Variants in TBX4 observed in about 807,000 individuals in gnomAD.
TBX4 encodes T-box transcription factor 4.
A neutral mutation model predicts 54.6 loss-of-function variants in TBX4; 13 were observed. That is an observed-to-expected ratio of 0.24 (90% confidence interval 0.15 to 0.38). TBX4 has a LOEUF of 0.38. TBX4 is among the 10% of genes least tolerant of loss of function. TBX4 has a pLI of 1.00. For missense variants in TBX4, 631 were observed against 728.5 expected (o/e 0.87, Z 1.54); for synonymous variants, 314 against 306.7 (o/e 1.02, Z -0.25).
intron 3 of TBX4, chr17:61,463,204 A>C (rs1433058694): frequency 7.9e-5 from 12 of 152,454 alleles, no homozygotes; most frequent in Non-Finnish European, 1.8e-4. Flanking sequence ...CAAGACCTAG[A>C]CATCTGTTGC....
chr17:61,471,237 C>T (rs935612656), intron 5 of TBX4, among the ~76,000 whole-genome samples: 2 of 152,240 alleles, frequency 1.3e-5, no homozygotes, highest in Admixed American at 6.5e-5. Flanking sequence ...ACCTAGGTAG[C>T]TACTCCTGAG....
Position 61,478,308 on chromosome 17 carries a change from A to G in TBX4, c.550-319A>G. On this transcript the variant is annotated intron_variant, in intron 5 of 8. Transcript: ENST00000644296. The surrounding 1 kb of genome is among the most constrained non-coding windows in gnomAD (Gnocchi z 7.4). ...CAATTCCACCTGCTACACTGTGCTGAGTTCACAGTGGGCTTTGACAGTGTT... is the reference window on the plus strand; with the variant it reads ...CAATTCCACCTGCTACACTGTGCTGGGTTCACAGTGGGCTTTGACAGTGTT... 1 of 418,222 alleles carries G rather than the reference A, an allele frequency of 2.4e-6. No individual in the cohort carries two copies. The highest frequency in any genetic ancestry group is 5.3e-5 in the East Asian group (1 of 19,016). The allele number at this position is 418,222 out of a possible 1,614,324, so 25.9% of individuals were successfully genotyped here.
chr17:61,465,807 C>G lies in TBX4; in HGVS notation c.282-12C>G. The G allele has an allele frequency of 6.2e-7, 1 of 1,613,818 alleles. No individual in the cohort carries two copies. Among genetic ancestry groups the G allele is most frequent in the Non-Finnish European group, 8.5e-7 (1 of 1,179,806 alleles). On this transcript the variant is annotated splice_polypyrimidine_tract_variant and intron_variant, in intron 3 of 8. Coordinates refer to ENST00000644296, the MANE Select transcript of TBX4 (RefSeq NM_001321120.2). This position sits in a 1 kb window ranked among gnomAD's most constrained non-coding sequence, Gnocchi z 4.9. Reference sequence around the variant, plus strand: ...TGTCCACACGCTCCGCCTCACCCCTCGGCTCCCCCAGGAGGATGTTCCCCA... The same window carrying G: ...TGTCCACACGCTCCGCCTCACCCCTGGGCTCCCCCAGGAGGATGTTCCCCA...
Position 61,472,156 on chromosome 17 carries a change from A to G in TBX4, c.549+4499A>G, listed in dbSNP as rs2060584727. ...TGCTCTTCTGATTAAGCTTGTACAT[A>G]TGCCATTTTATGCTGTGCCAAGTAT... On this transcript the variant is annotated intron_variant, in intron 5 of 8. Transcript: ENST00000644296. This position sits in a 1 kb window ranked among gnomAD's most constrained non-coding sequence, Gnocchi z 4.5. Among the ~76,000 whole-genome samples the G allele has an allele frequency of 6.6e-6, 1 of 152,212 alleles. No homozygotes were observed. Among genetic ancestry groups the G allele is most frequent in the African/African-American group, 2.4e-5 (1 of 41,456 alleles).
Position 61,475,036 on chromosome 17 carries a change from G to A in TBX4, c.550-3591G>A, listed in dbSNP as rs1170336916. On this transcript the variant is annotated intron_variant, in intron 5 of 8. Coordinates refer to ENST00000644296, the MANE Select transcript of TBX4 (RefSeq NM_001321120.2). This position sits in a 1 kb window ranked among gnomAD's most constrained non-coding sequence, Gnocchi z 5.0. ...AGCTTGCTCAGGACTTGACGCTGGT[G>A]AACAGAGATCATGACGGCGTCTGCA... is the stretch of plus-strand genomic sequence containing the variant. Among the ~76,000 whole-genome samples the A allele has an allele frequency of 6.6e-6, 1 of 152,230 alleles. No individual in the cohort carries two copies. The highest frequency in any genetic ancestry group is 1.5e-5 in the Non-Finnish European group (1 of 68,048).
Position 61,462,533 on chromosome 17 carries a change from C to T in TBX4, c.282-3286C>T, listed in dbSNP as rs1437227521. ...GTGGGAGCAGGGAGAGGGTAGGGGG[C>T]ATAGGGAGAGGGTGCAGGGAGGGGA... On this transcript the variant is annotated intron_variant, in intron 3 of 8. Transcript: ENST00000644296. The surrounding 1 kb of genome is among the most constrained non-coding windows in gnomAD (Gnocchi z 4.5). Among the ~76,000 whole-genome samples, 1 of 133,144 alleles carries T rather than the reference C, an allele frequency of 7.5e-6. No individual in the cohort carries two copies. Among genetic ancestry groups the T allele is most frequent in the Non-Finnish European group, 1.6e-5 (1 of 62,642 alleles). 87.3% of individuals were successfully genotyped at this position (133,144 alleles called of 152,430 possible). A position where few individuals can be genotyped will look rare whatever the true frequency, so the allele number is the denominator to read the frequency against.
chr17:61,458,296 CGGGGGT>C (rs1569033014), intron 3 of TBX4, among the ~76,000 whole-genome samples: 1 of 28,798 alleles, frequency 3.5e-5, no homozygotes, highest in East Asian at 8.3e-4. Flanking sequence ...AGACTCACGG[CGGGGGT>C]GGGGGTGAGT....
chr17:61,480,564 G>A lies in TBX4; in HGVS notation c.1021+245G>A, dbSNP rs769330892. ...ACCCTCACAGACAGCTTGTAGCCCC[G>A]GTGTCCCCAGACACCTTTCCAAGTG... On this transcript the variant is annotated intron_variant, in intron 8 of 8. Transcript: ENST00000644296. The surrounding 1 kb of genome is among the most constrained non-coding windows in gnomAD (Gnocchi z 6.2). 3.3e-5 allele frequency among the ~76,000 whole-genome samples: 5 copies of A among 152,154 alleles called. No homozygotes were observed. Among genetic ancestry groups the A allele is most frequent in the Non-Finnish European group, 7.4e-5 (5 of 68,026 alleles).
rs115169711 is a variant in TBX4 at position 61,482,949 on chromosome 17, C to T, written c.1074C>T (p.Ala358=). The change falls in exon 9 of 9, where the codon GCC becomes GCT. Residue 358 remains alanine, a synonymous_variant. Coordinates refer to ENST00000644296, the MANE Select transcript of TBX4 (RefSeq NM_001321120.2). Reference sequence around the variant, plus strand: ...CTTGCAAGCGATCCTATCTGGAAGCCCCCTCTTCGGTGGGGGAGGATCACT... The same window carrying T: ...CTTGCAAGCGATCCTATCTGGAAGCTCCCTCTTCGGTGGGGGAGGATCACT... ...DLPCKRSYLE[A]PSSVGEDHYF... The T allele has an allele frequency of 2.1e-4, 344 of 1,613,926 alleles. No homozygotes were observed. The African/African-American group carries it at 4.0e-3, about 19-fold the overall frequency.
rs149977669 is a variant in TBX4 at position 61,483,613 on chromosome 17, AGTGTGTGTGTGT to A, written c.*126_*137del. 644 of 782,846 alleles carry A rather than the reference AGTGTGTGTGTGT, an allele frequency of 8.2e-4. No individual in the cohort carries two copies. Among genetic ancestry groups the A allele is most frequent in the South Asian group, 3.2e-3 (185 of 57,300 alleles). The allele number at this position is 782,846 out of a possible 1,614,324, so 48.5% of individuals were successfully genotyped here. Reference sequence around the variant, plus strand: ...ACCAAGAAACACAGGAAGGTATTCCAGTGTGTGTGTGTGTGTGTGTGTGTGTGTGTGTGTGTG... The same window carrying A: ...ACCAAGAAACACAGGAAGGTATTCCAGTGTGTGTGTGTGTGTGTGTGTGTG... On this transcript the variant is annotated 3_prime_UTR_variant, in exon 9 of 9. Transcript: ENST00000644296. This position sits in a 1 kb window ranked among gnomAD's most constrained non-coding sequence, Gnocchi z 6.6.
At chr17:61,477,612 G>A (rs1383848120) in intron 5 of TBX4, among the ~76,000 whole-genome samples, 1 of 152,232 alleles carries the variant, frequency 6.6e-6, no homozygotes, top group Non-Finnish European at 1.5e-5. Flanking sequence ...GGTCTCCCCA[G>A]CACACCGTCA....
At position 61,465,468 on chromosome 17, in the gene TBX4, C is replaced by A. The variant is rs2060528809; in HGVS notation, c.282-351C>A. On this transcript the variant is annotated intron_variant, in intron 3 of 8. Transcript: ENST00000644296. The surrounding 1 kb of genome is among the most constrained non-coding windows in gnomAD (Gnocchi z 4.9). ...GCAAGGTTGGCGTCAGAATCTGCTC[C>A]CACAATCCTGACTGGGGTCTCTGTG... Among the ~76,000 whole-genome samples the A allele has an allele frequency of 6.6e-6, 1 of 152,346 alleles. No homozygotes were observed. Among genetic ancestry groups the A allele is most frequent in the Admixed American group, 6.5e-5 (1 of 15,308 alleles).
rs2060684470 is a variant in TBX4 at position 61,483,720 on chromosome 17, A to G, written c.*204A>G. ...ACATACAACTGAGGTCATGACAAGGAAAAAAAACACCACATTTATCTAAGA... is the reference window on the plus strand; with the variant it reads ...ACATACAACTGAGGTCATGACAAGGGAAAAAAACACCACATTTATCTAAGA... On this transcript the variant is annotated 3_prime_UTR_variant, in exon 9 of 9. Coordinates refer to ENST00000644296, the MANE Select transcript of TBX4 (RefSeq NM_001321120.2). This position sits in a 1 kb window ranked among gnomAD's most constrained non-coding sequence, Gnocchi z 6.6. 1 of 660,532 alleles carries G rather than the reference A, an allele frequency of 1.5e-6. No individual in the cohort carries two copies. The highest frequency in any genetic ancestry group is 2.9e-5 in the East Asian group (1 of 34,470). The allele number at this position is 660,532 out of a possible 1,614,324, so 40.9% of individuals were successfully genotyped here. A position where few individuals can be genotyped will look rare whatever the true frequency, so the allele number is the denominator to read the frequency against.
At chr17:61,467,784 A>G in intron 5 of TBX4, 127 bp downstream of exon 5, 1 of 1,204,690 alleles carries the variant, frequency 8.3e-7, no homozygotes, top group Non-Finnish European at 1.2e-6. Context: ...CTCACTGACC[A>G]GTTTAGGGAA....
chr17:61,465,999 C>T lies in TBX4; in HGVS notation c.401+61C>T, dbSNP rs1019693632. 3 of 1,608,594 alleles carry T rather than the reference C, an allele frequency of 1.9e-6. No individual in the cohort carries two copies. Among genetic ancestry groups the T allele is most frequent in the Non-Finnish European group, 2.6e-6 (3 of 1,176,434 alleles). On this transcript the variant is annotated intron_variant, in intron 4 of 8. Coordinates refer to ENST00000644296, the MANE Select transcript of TBX4 (RefSeq NM_001321120.2). The surrounding 1 kb of genome is among the most constrained non-coding windows in gnomAD (Gnocchi z 4.9). Reference sequence around the variant, plus strand: ...CAACTGCCCACTTGCCACGCCCCCACCTAGTGTTTTGTCCGGGGGATTTCT... The same window carrying T: ...CAACTGCCCACTTGCCACGCCCCCATCTAGTGTTTTGTCCGGGGGATTTCT...
rs2060490342 is a variant in TBX4, at chr17:61,460,900, G to T, written c.281+3269G>T. 6.6e-6 allele frequency among the ~76,000 whole-genome samples: 1 copy of T among 152,186 alleles called. No homozygotes were observed. Among genetic ancestry groups the T allele is most frequent in the South Asian group, 2.1e-4 (1 of 4,826 alleles). ...GACAGTGAATTTGCGTTTGAAAAATGAACTACCGATGAGAACTCCTGTTGA... is the reference window on the plus strand; with the variant it reads ...GACAGTGAATTTGCGTTTGAAAAATTAACTACCGATGAGAACTCCTGTTGA... On this transcript the variant is annotated intron_variant, in intron 3 of 8. Transcript: ENST00000644296. The surrounding 1 kb of genome is among the most constrained non-coding windows in gnomAD (Gnocchi z 4.4).
chr17:61,452,918 T>G, intron 1 of TBX4: 1 of 985,304 alleles, frequency 1.0e-6, no homozygotes, highest in Non-Finnish European at 1.2e-6. Context: ...GGCCTGGAAA[T>G]TGGTGTTTGC....
At chr17:61,477,977 A>C (rs2060634139) in intron 5 of TBX4, among the ~76,000 whole-genome samples, 1 of 151,882 alleles carries the variant, frequency 6.6e-6, no homozygotes, top group Non-Finnish European at 1.5e-5. Context: ...AAAAAGAAAG[A>C]AAGAAAGGAA....
rs1339050980 is a variant in TBX4, at chr17:61,472,673, A to AC, written c.549+5022dup. Among the ~76,000 whole-genome samples, 1 of 152,006 alleles carries AC rather than the reference A, an allele frequency of 6.6e-6. No individual in the cohort carries two copies. The highest frequency in any genetic ancestry group is 2.4e-5 in the African/African-American group (1 of 41,358). On this transcript the variant is annotated intron_variant, in intron 5 of 8. Coordinates refer to ENST00000644296, the MANE Select transcript of TBX4 (RefSeq NM_001321120.2). The surrounding 1 kb of genome is among the most constrained non-coding windows in gnomAD (Gnocchi z 4.5). ...GGATTTTGAGTTATTGAAAGCCCTA[A>AC]CCCCCCTCCTTACTTATAAGGGACT...
Sources: allele counts gnomAD v4.1 joint callset (sites outside exome capture counted in the v4.1 genomes callset), GRCh38; gene constraint gnomAD v4.1.1; non-coding constraint Gnocchi (gnomAD v3.1); transcripts MANE v1.5; gene names NCBI Gene and HGNC (gene_info 2026-07-23, HGNC 2026-07-21).